TMEM132D: variants seen among roughly 807,000 people sequenced by gnomAD.
TMEM132D encodes mature OL transmembrane protein.
A neutral mutation model predicts 62.3 loss-of-function variants in TMEM132D; 21 were observed. That is an observed-to-expected ratio of 0.34 (90% CI 0.24 to 0.49). The LOEUF is 0.49. TMEM132D is among the 20% of genes least tolerant of loss of function. TMEM132D has a pLI of 0.99. For synonymous variants in TMEM132D, 621 were observed against 575.6 expected (o/e 1.08, Z -1.13); for missense variants, 1,346 against 1,402.8 (o/e 0.96, Z 0.65).
intron 4 of TMEM132D, chr12:129,262,442 G>C (rs953121025): frequency 3.9e-5 from 6 of 152,224 alleles, no homozygotes; most frequent in Non-Finnish European, 8.8e-5. Context: ...TTTTTACAGG[G>C]CTGGGAGGGG....
intron 2 of TMEM132D, among the ~76,000 whole-genome samples, chr12:129,555,387 G>A (rs1877026460): frequency 6.6e-6 from 1 of 152,194 alleles, no homozygotes; most frequent in Admixed American, 6.5e-5. Flanking sequence ...TACAGAAACA[G>A]AATTACCCTG....
chr12:129,476,454 G>C (rs1874258192), intron 3 of TMEM132D, among the ~76,000 whole-genome samples: 2 of 152,178 alleles, frequency 1.3e-5, no homozygotes, highest in Admixed American at 1.3e-4. Context: ...ATCTCTGTCT[G>C]ACATTGTTGG....
At chr12:129,197,428 A>G (rs915872226) in intron 5 of TMEM132D, among the ~76,000 whole-genome samples, 3 of 152,186 alleles carry the variant, frequency 2.0e-5, no homozygotes, top group Admixed American at 1.3e-4. Context: ...CTCACCCCAA[A>G]AATGAGGATA....
intron 3 of TMEM132D, among the ~76,000 whole-genome samples, chr12:129,354,536 C>A (rs1227733562): frequency 1.3e-5 from 2 of 152,184 alleles, no homozygotes; most frequent in Admixed American, 6.5e-5. Context: ...ATTGGCCAGG[C>A]TGGTCTCAAA....
At chr12:129,812,917 T>C (rs1318422904) in intron 1 of TMEM132D, among the ~76,000 whole-genome samples, 3 of 151,790 alleles carry the variant, frequency 2.0e-5, no homozygotes, top group Admixed American at 2.0e-4. Flanking sequence ...AAACCCCAGA[T>C]TTGTAAATTC....
intron 2 of TMEM132D, among the ~76,000 whole-genome samples, chr12:129,600,172 G>A (rs778520670): frequency 2.8e-4 from 42 of 152,272 alleles, no homozygotes; most frequent in African/African-American, 2.2e-4. Flanking sequence ...CTTTGTTGTC[G>A]TTTCAACAAT....
chr12:129,636,271 G>T (rs1011994455), intron 2 of TMEM132D, among the ~76,000 whole-genome samples: 6 of 152,126 alleles, frequency 3.9e-5, no homozygotes, highest in Non-Finnish European at 8.8e-5. Flanking sequence ...AGATTTGCAG[G>T]GACATTTCAA....
At chr12:129,642,311 G>A (rs908726645) in intron 2 of TMEM132D, among the ~76,000 whole-genome samples, 13 of 152,246 alleles carry the variant, frequency 8.5e-5, no homozygotes, top group African/African-American at 2.9e-4. Context: ...AAGGGCCCTG[G>A]CAGGCTGCAA....
At chr12:129,812,088 A>G (rs891059098) in intron 1 of TMEM132D, among the ~76,000 whole-genome samples, 1 of 151,834 alleles carries the variant, frequency 6.6e-6, no homozygotes, top group African/African-American at 2.4e-5. Context: ...TTGTTACACA[A>G]CAATAGAAAA....
At chr12:129,358,184 T>C (rs1353538657) in intron 3 of TMEM132D, among the ~76,000 whole-genome samples, 3 of 152,150 alleles carry the variant, frequency 2.0e-5, no homozygotes, top group Admixed American at 2.0e-4. Flanking sequence ...ACTGGAAAGG[T>C]TGTAGCTTGA....
chr12:129,199,705 C>A (rs555945995), intron 5 of TMEM132D, among the ~76,000 whole-genome samples: 38 of 152,244 alleles, frequency 2.5e-4, no homozygotes, highest in Middle Eastern at 3.4e-3. Flanking sequence ...GTAGGAGGAG[C>A]AAAGGCATGT....
chr12:129,235,988 ATCTT>A (rs141351171), intron 4 of TMEM132D, among the ~76,000 whole-genome samples: 2,722 of 152,216 alleles, frequency 0.018, 70 homozygotes, highest in African/African-American at 0.059. Context: ...AACGTGGAAT[ATCTT>A]TCTATTTATT....
intron 5 of TMEM132D, among the ~76,000 whole-genome samples, chr12:129,177,766 A>AT (rs1204655129): frequency 1.3e-5 from 2 of 152,092 alleles, no homozygotes; most frequent in African/African-American, 2.4e-5. Context: ...CTGACTCTTA[A>AT]TTTTTTTAAA....
intron 4 of TMEM132D, among the ~76,000 whole-genome samples, chr12:129,272,650 T>A (rs1269879150): frequency 6.6e-6 from 1 of 151,812 alleles, no homozygotes; most frequent in Non-Finnish European, 1.5e-5. Context: ...GCTTGTTGAT[T>A]TGTTTAAATC....
intron 2 of TMEM132D, among the ~76,000 whole-genome samples, chr12:129,624,893 AAG>A (rs1879170970): frequency 1.4e-5 from 2 of 138,238 alleles, no homozygotes; most frequent in Non-Finnish European, 3.3e-5. Flanking sequence ...CAGAGTGGAG[AAG>A]GCATCTGGAG....
intron 3 of TMEM132D, among the ~76,000 whole-genome samples, chr12:129,490,974 C>T (rs1593035518): frequency 6.6e-6 from 1 of 152,078 alleles, no homozygotes; most frequent in East Asian, 1.9e-4. Flanking sequence ...TGCTGGTTCC[C>T]ACGGATTTCT....
intron 1 of TMEM132D, among the ~76,000 whole-genome samples, chr12:129,734,025 T>A (rs1047061348): frequency 6.6e-6 from 1 of 152,180 alleles, no homozygotes; most frequent in African/African-American, 2.4e-5. Flanking sequence ...TTCCCACAGC[T>A]GCAATCCAGT....
chr12:129,525,266 T>C (rs1370206910), intron 3 of TMEM132D, among the ~76,000 whole-genome samples: 8 of 124,964 alleles, frequency 6.4e-5, no homozygotes, highest in African/African-American at 8.8e-5. Flanking sequence ...GCTAATATAA[T>C]TAATAGAAAT....
intron 5 of TMEM132D, among the ~76,000 whole-genome samples, chr12:129,125,901 T>G: frequency 6.6e-6 from 1 of 152,212 alleles, no homozygotes; most frequent in East Asian, 1.9e-4. Context: ...GCCACTTTCT[T>G]GGTCAGAGAT....
Sources: allele counts gnomAD v4.1 joint callset (sites outside exome capture counted in the v4.1 genomes callset), GRCh38; gene constraint gnomAD v4.1.1; transcripts MANE v1.5; gene names NCBI Gene and HGNC (gene_info 2026-07-23, HGNC 2026-07-21).